Variants in PRRX2 observed in about 807,000 individuals in gnomAD.
The protein encoded by PRRX2 is paired mesoderm homeobox protein 2.
A neutral mutation model predicts 18.0 loss-of-function variants in PRRX2; 11 were observed. That is an observed-to-expected ratio of 0.61 (90% confidence interval 0.39 to 1.01). The LOEUF (loss-of-function observed/expected upper bound fraction) is 1.01. Ranked by LOEUF, PRRX2 falls within the 50% of genes least tolerant of loss-of-function variation. PRRX2 has a pLI of 0.01. For missense variants in PRRX2, 387 were observed against 351.0 expected (o/e 1.10, Z -0.82); for synonymous variants, 177 against 154.8 (o/e 1.14, Z -1.06).
chr9:129,722,084 C>A (rs1018617141), intron 3 of PRRX2, 133 bp from the exon 4 acceptor site: 1 of 1,297,534 alleles, frequency 7.7e-7, no homozygotes, highest in East Asian at 2.4e-5. Flanking sequence ...CTCCAAATCA[C>A]CCCCAGTCCT....
At chr9:129,699,262 T>C (rs1428079900) in intron 1 of PRRX2, among the ~76,000 whole-genome samples, 1 of 152,070 alleles carries the variant, frequency 6.6e-6, no homozygotes, top group African/African-American at 2.4e-5. Context: ...GTCTAAAATA[T>C]ATACACACAA....
At chr9:129,704,511 G>T (rs1247608528) in intron 1 of PRRX2, among the ~76,000 whole-genome samples, 1 of 152,162 alleles carries the variant, frequency 6.6e-6, no homozygotes, top group Non-Finnish European at 1.5e-5. Context: ...GCTGGGTTGG[G>T]AATATTCTCT....
chr9:129,670,455 A>G (rs532118823), intron 1 of PRRX2, among the ~76,000 whole-genome samples: 10 of 150,908 alleles, frequency 6.6e-5, no homozygotes, highest in African/African-American at 2.2e-4. Context: ...GCTCACTGCA[A>G]CCTCCGCCTC....
intron 1 of PRRX2, among the ~76,000 whole-genome samples, chr9:129,688,386 G>A (rs996465222): frequency 4.6e-5 from 7 of 152,220 alleles, no homozygotes; most frequent in Middle Eastern, 3.4e-3. Flanking sequence ...TTGAGGACTG[G>A]GAAGAGCCCC....
In PRRX2 at chr9:129,677,935, G is replaced by A. The variant is rs935347627; in HGVS notation, c.259+11809G>A. 2.0e-5 allele frequency among the ~76,000 whole-genome samples: 3 copies of A among 151,910 alleles called. 1 individual carries two copies. Among genetic ancestry groups the A allele is most frequent in the South Asian group, 4.2e-4 (2 of 4,812 alleles). On this transcript the variant is annotated intron_variant, in intron 1 of 3. Coordinates refer to ENST00000372469, the MANE Select transcript of PRRX2 (RefSeq NM_016307.4). ...GCTGTTGCAGCAAATTTAAGGCTGC[G>A]GCTGCTTTTTCTTTCTTTCTTTCTT...
chr9:129,719,551 C>A, intron 2 of PRRX2, 133 bp downstream of exon 2: 1 of 1,167,952 alleles, frequency 8.6e-7, no homozygotes, highest in Non-Finnish European at 1.1e-6. Context: ...GACGGGGGTT[C>A]AGATCCCAGC....
intron 1 of PRRX2, among the ~76,000 whole-genome samples, chr9:129,674,743 C>T (rs979282309): frequency 1.3e-5 from 2 of 152,168 alleles, no homozygotes; most frequent in South Asian, 2.1e-4. Context: ...CATGGGGTTC[C>T]TGCCTCGCCT....
chr9:129,699,104 C>T (rs1832464376), intron 1 of PRRX2, among the ~76,000 whole-genome samples: 1 of 152,178 alleles, frequency 6.6e-6, no homozygotes, highest in Non-Finnish European at 1.5e-5. Context: ...TTCCCTAGCC[C>T]ATGCTCTGGC....
rs538198483 is a variant in PRRX2 at position 129,674,904 on chromosome 9, G to A, written c.259+8778G>A. On this transcript the variant is annotated intron_variant, in intron 1 of 3. Transcript: ENST00000372469. ...TCAGAATCACCCAGGGAGCTGGTGC[G>A]TGTTCCCAGGTCCCACCCTGACCCA... Among the ~76,000 whole-genome samples the A allele has an allele frequency of 1.4e-3, 214 of 152,274 alleles. 1 individual carries two copies. Among genetic ancestry groups the A allele is most frequent in the African/African-American group, 4.9e-3 (205 of 41,538 alleles).
At chr9:129,711,996 G>C (rs934357955) in intron 1 of PRRX2, among the ~76,000 whole-genome samples, 1 of 152,110 alleles carries the variant, frequency 6.6e-6, no homozygotes, top group Non-Finnish European at 1.5e-5. Context: ...TCTCTACCAA[G>C]AAATCTCAGG....
intron 1 of PRRX2, among the ~76,000 whole-genome samples, chr9:129,683,951 G>A (rs1269546311): frequency 6.6e-6 from 1 of 152,132 alleles, no homozygotes; most frequent in African/African-American, 2.4e-5. Flanking sequence ...TATGGCTAAC[G>A]GGAGCCCCTC....
At chr9:129,690,189 CCT>C (rs780138524) in intron 1 of PRRX2, among the ~76,000 whole-genome samples, 8 of 152,212 alleles carry the variant, frequency 5.3e-5, no homozygotes, top group African/African-American at 9.7e-5. Context: ...CCGCTGCGAT[CCT>C]CTGTTTTCAG....
rs111551180 is a variant in PRRX2, at chr9:129,719,509, G to A, written c.447+91G>A. On this transcript the variant is annotated intron_variant, in intron 2 of 3. Transcript: ENST00000372469. The stretch of plus-strand genomic sequence containing the variant: ...CGGGATTACACAGTTGCCCAGGAGG[G>A]GTGTTTGAGCAGGAGCATCTGAGGC... The A allele has an allele frequency of 1.3e-4, 172 of 1,367,876 alleles. No individual in the cohort carries two copies. In the African/African-American group the frequency reaches 2.1e-3, roughly 17 times the overall value. 84.7% of individuals were successfully genotyped at this position (1,367,876 alleles called of 1,614,324 possible).
chr9:129,720,962 G>A (rs1055069180), intron 3 of PRRX2, among the ~76,000 whole-genome samples, 188 bp downstream of exon 3: 6 of 152,170 alleles, frequency 3.9e-5, no homozygotes, highest in Admixed American at 1.3e-4. Context: ...GCACCTGCAC[G>A]TGCATGTTGT....
At chr9:129,673,143 A>G (rs757864104) in intron 1 of PRRX2, among the ~76,000 whole-genome samples, 4 of 152,160 alleles carry the variant, frequency 2.6e-5, no homozygotes, top group Admixed American at 6.5e-5. Context: ...TAGTATCTTC[A>G]TCTCTGAGTA....
rs1832415577 is a variant in PRRX2 at position 129,695,946 on chromosome 9, G to GC, written c.260-23281dup. On this transcript the variant is annotated intron_variant, in intron 1 of 3. Coordinates refer to ENST00000372469, the MANE Select transcript of PRRX2 (RefSeq NM_016307.4). This position sits in a 1 kb window ranked among gnomAD's most constrained non-coding sequence, Gnocchi z 4.8. ...AGGGTGAACATGGCACTTTGATGTG[G>GC]CCCCATTTCCTTATAAAGCCCCCTC... Among the ~76,000 whole-genome samples, 1 of 152,140 alleles carries GC rather than the reference G, an allele frequency of 6.6e-6. No individual in the cohort carries two copies. Among genetic ancestry groups the GC allele is most frequent in the African/African-American group, 2.4e-5 (1 of 41,432 alleles).
intron 1 of PRRX2, among the ~76,000 whole-genome samples, chr9:129,684,764 G>C (rs1344559349): frequency 6.6e-6 from 1 of 152,190 alleles, no homozygotes; most frequent in African/African-American, 2.4e-5. Flanking sequence ...TAAAGGAAGA[G>C]TTCTCTAAAC....
intron 1 of PRRX2, among the ~76,000 whole-genome samples, chr9:129,691,768 T>G (rs967887369): frequency 2.0e-5 from 3 of 151,180 alleles, no homozygotes; most frequent in African/African-American, 7.3e-5. Flanking sequence ...AGCCTCCATC[T>G]CCCGGGCTCA....
In PRRX2 at chr9:129,720,761, T is replaced by TCGTCC; in HGVS notation, c.615_619dup (p.Pro207ArgfsTer48). 3 of 1,596,220 alleles carry TCGTCC rather than the reference T, an allele frequency of 1.9e-6. No homozygotes were observed. Among genetic ancestry groups the TCGTCC allele is most frequent in the Non-Finnish European group, 2.6e-6 (3 of 1,170,248 alleles). On this transcript the variant is annotated frameshift_variant, in exon 3 of 4. Transcript: ENST00000372469. LOFTEE classifies it high-confidence loss of function. ...TCCAGATTATCTCTCCTGGACAGCC[T>TCGTCC]CGTCCCCCTACAGGTGAGAGCGGGA...
Sources: allele counts gnomAD v4.1 joint callset (sites outside exome capture counted in the v4.1 genomes callset), GRCh38; gene constraint gnomAD v4.1.1; non-coding constraint Gnocchi (gnomAD v3.1); transcripts MANE v1.5; gene names NCBI Gene and HGNC (gene_info 2026-07-23, HGNC 2026-07-21).